P2RY10: variants seen among roughly 807,000 people sequenced by gnomAD.
The protein encoded by P2RY10 is P2Y receptor family member 10, also known as putative P2Y purinoceptor 10.
Under a neutral mutation model 12.1 loss-of-function variants are expected in P2RY10, and 4 were observed. The ratio of observed to expected loss-of-function variants is 0.33; its 90% CI spans 0.16 to 0.76. The LOEUF is 0.76. Among genes scored for constraint, P2RY10 ranks in the 30% least tolerant of loss-of-function variants. The probability of loss-of-function intolerance (pLI) is 0.61; values close to 1 mark genes in which losing one functional copy is unlikely to be tolerated. For missense variants in P2RY10, 233 were observed against 264.6 expected (o/e 0.88, Z 0.83); for synonymous variants, 112 against 94.1 (o/e 1.19, Z -1.10).
rs768788902 is a variant in P2RY10 at position 78,963,465 on chromosome X, T to G, written c.*1925T>G. 3.6e-5 allele frequency among the ~76,000 whole-genome samples: 4 copies of G among 112,006 alleles called. No individual in the cohort carries two copies. The highest frequency in any genetic ancestry group is 7.5e-5 in the Non-Finnish European group (4 of 53,153). On this transcript the variant is annotated 3_prime_UTR_variant, in exon 4 of 4. Coordinates refer to ENST00000171757, the MANE Select transcript of P2RY10 (RefSeq NM_014499.4). ...AGGAGATGACTTTGGAAGAAACCCA[T>G]TTGGAACTACACACCCTGCTATGTC...
intron 3 of P2RY10, among the ~76,000 whole-genome samples, chrX:78,952,657 G>C (rs1160349453): frequency 9.0e-6 from 1 of 111,587 alleles, no homozygotes; most frequent in East Asian, 2.8e-4. Flanking sequence ...TTTTCTAGGA[G>C]TGAAAGGGAA....
chrX:78,960,902 A>T lies in P2RY10; in HGVS notation c.382A>T (p.Ser128Cys). The change falls in exon 4 of 4, where the codon AGT becomes TGT. Residue 128 changes from serine to cysteine, a missense_variant. By Grantham distance (112) the Ser-to-Cys change is moderately radical (BLOSUM62 -1). Coordinates refer to ENST00000171757, the MANE Select transcript of P2RY10 (RefSeq NM_014499.4). ...YASICFLTCI[S>C]LQRCFFLLKP... ...CAGCATTTGTTTCCTGACGTGCATC[A>T]GTCTTCAAAGGTGCTTTTTTCTCCT... is the stretch of plus-strand genomic sequence containing the variant. 1 of 1,211,319 alleles carries T rather than the reference A, an allele frequency of 8.3e-7. No individual in the cohort carries two copies. The highest frequency in any genetic ancestry group is 1.1e-6 in the Non-Finnish European group (1 of 895,337).
intron 1 of P2RY10, among the ~76,000 whole-genome samples, chrX:78,947,138 C>T (rs1054046472): frequency 2.7e-5 from 3 of 110,207 alleles, no homozygotes; most frequent in Non-Finnish European, 5.7e-5. Flanking sequence ...TCGCTCGAAA[C>T]CGAGAGATGG....
At chrX:78,958,602 A>G (rs1011529124) in intron 3 of P2RY10, among the ~76,000 whole-genome samples, 6 of 112,429 alleles carry the variant, frequency 5.3e-5, no homozygotes, top group African/African-American at 1.9e-4. Flanking sequence ...AATAGTTCTT[A>G]CATCTTAGGA....
intron 3 of P2RY10, among the ~76,000 whole-genome samples, chrX:78,957,491 G>A (rs1318036320): frequency 9.1e-6 from 1 of 109,856 alleles, no homozygotes; most frequent in Non-Finnish European, 1.9e-5. Flanking sequence ...TTTCTTGTTA[G>A]TGGCTTCTTA....
chrX:78,960,028 G>T, intron 3 of P2RY10, among the ~76,000 whole-genome samples: 1 of 111,009 alleles, frequency 9.0e-6, no homozygotes, highest in Non-Finnish European at 1.9e-5. Context: ...AAGTGATGGG[G>T]TTCCAAGATA....
Position 78,961,163 on chromosome X carries a change from G to T in P2RY10, c.643G>T (p.Ala215Ser), listed in dbSNP as rs866573696. The stretch of plus-strand genomic sequence containing the variant: ...ATTTGTGATCCCAGTGATCATCATC[G>T]CATGGTGTACCTGGAAAACTACTAT... The part of the protein sequence containing the change: ...AGFVIPVIII[A>S]WCTWKTTISL... Residue 215 changes from alanine (A) to serine (S), a missense_variant, in exon 4 of 4, where the codon GCA becomes TCA. Ala to Ser is a moderately conservative substitution (Grantham distance 99, BLOSUM62 1). Coordinates refer to ENST00000171757, the MANE Select transcript of P2RY10 (RefSeq NM_014499.4). The T allele has an allele frequency of 2.0e-5, 24 of 1,208,935 alleles. No individual in the cohort carries two copies. The Middle Eastern group carries it at 6.9e-4, about 35-fold the overall frequency.
chrX:78,958,630 T>C (rs1413880937), intron 3 of P2RY10, among the ~76,000 whole-genome samples: 1 of 112,330 alleles, frequency 8.9e-6, no homozygotes, highest in Non-Finnish European at 1.9e-5. Flanking sequence ...GAAAATTAAA[T>C]TAAATAAATA....
chrX:78,951,733 T>C (rs1036948391), intron 2 of P2RY10, among the ~76,000 whole-genome samples: 2 of 111,890 alleles, frequency 1.8e-5, no homozygotes, highest in African/African-American at 3.2e-5. Context: ...AGCCATACTT[T>C]GATTTTTGTT....
intron 2 of P2RY10, among the ~76,000 whole-genome samples, chrX:78,951,777 A>G (rs746254713): frequency 9.0e-6 from 1 of 111,376 alleles, no homozygotes; most frequent in Non-Finnish European, 1.9e-5. Flanking sequence ...TTTTATTTTA[A>G]GTTTAGGGGT....
chrX:78,951,577 G>A (rs1044745737), intron 2 of P2RY10, among the ~76,000 whole-genome samples: 3 of 111,147 alleles, frequency 2.7e-5, no homozygotes, highest in African/African-American at 9.8e-5. Context: ...GTTGCCCGAT[G>A]TAAGGAAAAA....
In P2RY10 at chrX:78,960,972, G is replaced by A; in HGVS notation, c.452G>A (p.Gly151Asp). The change falls in exon 4 of 4, where the codon GGC becomes GAC. Residue 151 changes from glycine (G) to aspartate (D), a missense_variant. By Grantham distance (94) the Gly-to-Asp change is moderately conservative. Coordinates refer to ENST00000171757, the MANE Select transcript of P2RY10 (RefSeq NM_014499.4). ...ARDWKRRYDV[G>D]ISAAIWIVVG... is the part of the protein sequence containing the mutation. The stretch of plus-strand genomic sequence containing the variant: ...GACTGGAAGCGTAGGTACGATGTGG[G>A]CATCAGTGCTGCCATCTGGATCGTT... The A allele has an allele frequency of 8.3e-7, 1 of 1,211,409 alleles. No homozygotes were observed. Among genetic ancestry groups the A allele is most frequent in the Middle Eastern group, 2.3e-4 (1 of 4,351 alleles).
rs886699930 is a variant in P2RY10 at position 78,963,173 on chromosome X, T to C, written c.*1633T>C. Among the ~76,000 whole-genome samples the C allele has an allele frequency of 7.2e-5, 8 of 111,830 alleles. No homozygotes were observed. Among genetic ancestry groups the C allele is most frequent in the Non-Finnish European group, 1.5e-4 (8 of 53,141 alleles). On this transcript the variant is annotated 3_prime_UTR_variant, in exon 4 of 4. Coordinates refer to ENST00000171757, the MANE Select transcript of P2RY10 (RefSeq NM_014499.4). The stretch of plus-strand genomic sequence containing the variant: ...GTATAAATAGCATAGACATTTGGTG[T>C]GAAGGGAGGAGAAAGGAAGTAGTAG...
intron 2 of P2RY10, among the ~76,000 whole-genome samples, chrX:78,948,636 T>C (rs1921959555): frequency 9.0e-6 from 1 of 111,391 alleles, no homozygotes; most frequent in Non-Finnish European, 1.9e-5. Flanking sequence ...CTCTTCTGAG[T>C]CTCTAGATTC....
At chrX:78,959,046 CAA>C (rs5902773) in intron 3 of P2RY10, among the ~76,000 whole-genome samples, 1,492 of 105,253 alleles carry the variant, frequency 0.014, 30 homozygotes, top group African/African-American at 0.048. Context: ...TTAAACAAAA[CAA>C]AAAAAAAAAC....
In P2RY10 at chrX:78,962,251, G is replaced by A. The variant is rs1922666508; in HGVS notation, c.*711G>A. On this transcript the variant is annotated 3_prime_UTR_variant, in exon 4 of 4. Coordinates refer to ENST00000171757, the MANE Select transcript of P2RY10 (RefSeq NM_014499.4). Reference sequence around the variant, plus strand: ...AGCCATCACCCGAGCAGTATACACTGCACCACATTTGTAGTCTTCTATCCC... The same window carrying A: ...AGCCATCACCCGAGCAGTATACACTACACCACATTTGTAGTCTTCTATCCC... 9.0e-6 allele frequency among the ~76,000 whole-genome samples: 1 copy of A among 110,693 alleles called. No homozygotes were observed. The highest frequency in any genetic ancestry group is 3.8e-4 in the South Asian group (1 of 2,614).
At chrX:78,952,956 G>A (rs1922173426) in intron 3 of P2RY10, among the ~76,000 whole-genome samples, 2 of 111,623 alleles carry the variant, frequency 1.8e-5, no homozygotes, top group African/African-American at 6.5e-5. Context: ...TAGCCACCAT[G>A]GGAATAGGAG....
At chrX:78,949,929 G>A (rs1922030871) in intron 2 of P2RY10, among the ~76,000 whole-genome samples, 1 of 111,213 alleles carries the variant, frequency 9.0e-6, no homozygotes, top group Admixed American at 9.6e-5. Context: ...GAAATTTAGT[G>A]GTTAAAAAAT....
At chrX:78,951,924 G>T (rs138118963) in intron 2 of P2RY10, among the ~76,000 whole-genome samples, 62 of 111,022 alleles carry the variant, frequency 5.6e-4, no homozygotes, top group Middle Eastern at 9.3e-3. Context: ...TCACCCAACA[G>T]CTCCCAACAG....
Sources: allele counts gnomAD v4.1 joint callset (sites outside exome capture counted in the v4.1 genomes callset), GRCh38; gene constraint gnomAD v4.1.1; transcripts MANE v1.5; gene names NCBI Gene and HGNC (gene_info 2026-07-23, HGNC 2026-07-21).